MYH14: variants seen among roughly 807,000 people sequenced by gnomAD.
The protein encoded by MYH14 is myosin-14.
A neutral mutation model predicts 255.5 loss-of-function variants in MYH14; 123 were observed. The ratio of observed to expected loss-of-function variants is 0.48; its 90% CI spans 0.42 to 0.56. The LOEUF (loss-of-function observed/expected upper bound fraction) is 0.56. MYH14 is among the 20% of genes least tolerant of loss of function. MYH14 has a pLI of 0.00. For synonymous variants in MYH14, 1,095 were observed against 1,161.2 expected (o/e 0.94, Z 1.16); for missense variants, 2,423 against 2,802.3 (o/e 0.86, Z 3.06).
rs2035680320 is a variant in MYH14, at chr19:50,280,498, G to C, written c.4290+115G>C. On this transcript the variant is annotated intron_variant, in intron 32 of 42. Coordinates refer to ENST00000642316, the MANE Select transcript of MYH14 (RefSeq NM_001145809.2). This position sits in a 1 kb window ranked among gnomAD's most constrained non-coding sequence, Gnocchi z 4.8. ...CACCTTCTCATAGGCCAGACCCATG[G>C]GTGCCTTTCTCATCTCTGACTCCCC... is the stretch of plus-strand genomic sequence containing the variant. 2 of 1,162,568 alleles carry C rather than the reference G, an allele frequency of 1.7e-6. No homozygotes were observed. The highest frequency in any genetic ancestry group is 2.4e-6 in the Non-Finnish European group (2 of 848,038). 72.0% of individuals were successfully genotyped at this position (1,162,568 alleles called of 1,614,324 possible).
At chr19:50,233,326 C>T (rs1405562453) in intron 10 of MYH14, among the ~76,000 whole-genome samples, 1 of 152,048 alleles carries the variant, frequency 6.6e-6, no homozygotes, top group Non-Finnish European at 1.5e-5. Context: ...CCCGCCACCT[C>T]GCCTGGATAA....
intron 2 of MYH14, among the ~76,000 whole-genome samples, chr19:50,215,839 T>C (rs149725870): frequency 3.3e-5 from 5 of 152,044 alleles, no homozygotes; most frequent in African/African-American, 1.2e-4. Flanking sequence ...AAGAAAAAGA[T>C]AGTCCTGCTG....
intron 1 of MYH14, among the ~76,000 whole-genome samples, chr19:50,205,189 G>T (rs967584722): frequency 7.9e-5 from 12 of 152,194 alleles, no homozygotes; most frequent in African/African-American, 1.7e-4. Flanking sequence ...GCAATGCACA[G>T]CAGGGAAAGC....
At chr19:50,292,622 T>TC (rs2036123453) in intron 37 of MYH14, among the ~76,000 whole-genome samples, 1 of 143,650 alleles carries the variant, frequency 7.0e-6, no homozygotes, top group Non-Finnish European at 1.5e-5. Context: ...GGTGGGTGTG[T>TC]CTTACCATGT....
chr19:50,295,421 C>T (rs1336377875), intron 39 of MYH14, among the ~76,000 whole-genome samples: 2 of 152,044 alleles, frequency 1.3e-5, no homozygotes, highest in African/African-American at 2.4e-5. Context: ...GTGGAAGGAT[C>T]GCTTGAGCCC....
At chr19:50,296,885 A>AT (rs1036980036) in intron 39 of MYH14, among the ~76,000 whole-genome samples, 29 of 152,092 alleles carry the variant, frequency 1.9e-4, no homozygotes, top group Non-Finnish European at 3.2e-4. Context: ...GTTTTAAAAA[A>AT]ATATTAATTA....
rs903976483 is a variant in MYH14 at position 50,267,362 on chromosome 19, T to A, written c.2826+354T>A. On this transcript the variant is annotated intron_variant, in intron 23 of 42. Transcript: ENST00000642316. ...CTATGGTATGCAGGTGGCGAACTTATAACTGTTTCCAGTATTTCAGCTATC... is the reference window on the plus strand; with the variant it reads ...CTATGGTATGCAGGTGGCGAACTTAAAACTGTTTCCAGTATTTCAGCTATC... Among the ~76,000 whole-genome samples, 6 of 152,060 alleles carry A rather than the reference T, an allele frequency of 3.9e-5. No individual in the cohort carries two copies. The South Asian group carries it at 1.2e-3, about 32-fold the overall frequency.
rs756054315 is a variant in MYH14 at position 50,281,557 on chromosome 19, C to T, written c.4291-37C>T. On this transcript the variant is annotated intron_variant, in intron 32 of 42. Coordinates refer to ENST00000642316, the MANE Select transcript of MYH14 (RefSeq NM_001145809.2). Reference sequence around the variant, plus strand: ...CAGCTTACACCTTGGTCACTCATGGCCGTGACCACCAACCACCCTCTCTCT... The same window carrying T: ...CAGCTTACACCTTGGTCACTCATGGTCGTGACCACCAACCACCCTCTCTCT... 4 of 1,539,784 alleles carry T rather than the reference C, an allele frequency of 2.6e-6. No individual in the cohort carries two copies. In the Admixed American group the frequency reaches 8.0e-5, roughly 31 times the overall value.
In MYH14 at chr19:50,293,600, G is replaced by T; in HGVS notation, c.5382G>T (p.Gly1794=). 11 of 1,613,152 alleles carry T rather than the reference G, an allele frequency of 6.8e-6. No individual in the cohort carries two copies. Among genetic ancestry groups the T allele is most frequent in the Non-Finnish European group, 9.3e-6 (11 of 1,179,566 alleles). The part of the protein sequence containing the change: ...AILEEKRQLE[G]RLGQLEEELE... ...TGGAGGAGAAGCGTCAGCTGGAGGG[G>T]CGCCTGGGGCAGTTGGAGGAAGAGC... Residue 1794 remains glycine (G), a synonymous_variant, in exon 39 of 43, where the codon GGG becomes GGT. Transcript: ENST00000642316. The surrounding 1 kb of genome is among the most constrained non-coding windows in gnomAD (Gnocchi z 4.1).
chr19:50,246,760 C>T (rs139601009), intron 11 of MYH14, among the ~76,000 whole-genome samples: 19 of 152,342 alleles, frequency 1.2e-4, no homozygotes, highest in African/African-American at 4.1e-4. Flanking sequence ...AACAACACTG[C>T]GCTGAACATC....
chr19:50,275,908 A>G, intron 27 of MYH14, 83 bp from the exon 28 acceptor site: 2 of 1,123,728 alleles, frequency 1.8e-6, no homozygotes, highest in Non-Finnish European at 2.6e-6. Flanking sequence ...CCCAAAGCCC[A>G]CATCCAGCCT....
chr19:50,237,989 G>T lies in MYH14; in HGVS notation c.1114+5919G>T, dbSNP rs892051089. Among the ~76,000 whole-genome samples, 25 of 152,288 alleles carry T rather than the reference G, an allele frequency of 1.6e-4. No homozygotes were observed. In the South Asian group the frequency reaches 3.1e-3, roughly 19 times the overall value. On this transcript the variant is annotated intron_variant, in intron 10 of 42. Transcript: ENST00000642316. ...GCCAGCCCATGATCCAGAGAGAGAG[G>T]TGGACACCTCAGTGTCACCCACAGG...
At chr19:50,204,405 A>G (rs960239048) in intron 1 of MYH14, among the ~76,000 whole-genome samples, 43 of 152,184 alleles carry the variant, frequency 2.8e-4, no homozygotes, top group African/African-American at 8.9e-4. Context: ...TGGGACGCAG[A>G]AATTCATGTC....
intron 7 of MYH14, among the ~76,000 whole-genome samples, 175 bp from the exon 8 acceptor site, chr19:50,226,728 C>T (rs2033124119): frequency 6.6e-6 from 1 of 152,096 alleles, no homozygotes; most frequent in South Asian, 2.1e-4. Flanking sequence ...CCTTGAATTC[C>T]CAAGGAGCCC....
chr19:50,244,880 CACG>C (rs1055550772), intron 11 of MYH14, among the ~76,000 whole-genome samples: 1 of 152,156 alleles, frequency 6.6e-6, no homozygotes. Context: ...ACCGCACCAG[CACG>C]ACAGTGGGGA....
Position 50,261,510 on chromosome 19 carries a change from C to T in MYH14, c.2460C>T (p.Arg820=), listed in dbSNP as rs374603035. 16 of 1,570,914 alleles carry T rather than the reference C, an allele frequency of 1.0e-5. No individual in the cohort carries two copies. Among genetic ancestry groups the T allele is most frequent in the Admixed American group, 1.8e-5 (1 of 55,386 alleles). The change falls in exon 21 of 43, where the codon CGC becomes CGT. Residue 820 remains arginine (R), a synonymous_variant. Coordinates refer to ENST00000642316, the MANE Select transcript of MYH14 (RefSeq NM_001145809.2). ...QALELDPNLY[R]VGQSKIFFRA... is the part of the protein sequence containing the mutation. ...TGGAACTGGACCCCAACCTCTACCGCGTGGGACAGAGCAAGATCTTCTTCC... is the reference window on the plus strand; with the variant it reads ...TGGAACTGGACCCCAACCTCTACCGTGTGGGACAGAGCAAGATCTTCTTCC...
chr19:50,228,461 T>C (rs1246633768), intron 8 of MYH14, among the ~76,000 whole-genome samples: 1 of 152,124 alleles, frequency 6.6e-6, no homozygotes. Flanking sequence ...GGGTTTCTCC[T>C]AAGTCTGCTC....
intron 3 of MYH14, among the ~76,000 whole-genome samples, chr19:50,219,929 G>A (rs1052911858): frequency 3.3e-5 from 5 of 151,870 alleles, no homozygotes; most frequent in South Asian, 4.2e-4. Flanking sequence ...GGCCAGGGGC[G>A]GTGGCTCACA....
At chr19:50,203,727 G>A (rs1875714807) in intron 1 of MYH14, 56 bp downstream of exon 1, 1 of 152,432 alleles carries the variant, frequency 6.6e-6, no homozygotes, top group African/African-American at 2.4e-5. Context: ...CTGAGCCAGG[G>A]GAAGCTGGAG....
Sources: allele counts gnomAD v4.1 joint callset (sites outside exome capture counted in the v4.1 genomes callset), GRCh38; gene constraint gnomAD v4.1.1; non-coding constraint Gnocchi (gnomAD v3.1); transcripts MANE v1.5; gene names NCBI Gene and HGNC (gene_info 2026-07-23, HGNC 2026-07-21).